CKAP2: variants seen among roughly 807,000 people sequenced by gnomAD.
The protein encoded by CKAP2 is cytoskeleton-associated protein 2.
A neutral mutation model predicts 58.4 loss-of-function variants in CKAP2; 46 were observed. The ratio of observed to expected loss-of-function variants is 0.79; its 90% CI spans 0.62 to 1.01. The LOEUF (loss-of-function observed/expected upper bound fraction) is 1.01. Among genes scored for constraint, CKAP2 ranks in the 50% least tolerant of loss-of-function variants. The probability of loss-of-function intolerance (pLI) is 0.00; values close to 1 mark genes in which losing one functional copy is unlikely to be tolerated. For missense variants in CKAP2, 809 were observed against 796.4 expected (o/e 1.02, Z -0.19); for synonymous variants, 293 against 280.9 (o/e 1.04, Z -0.43).
intron 6 of CKAP2, among the ~76,000 whole-genome samples, 176 bp from the exon 7 acceptor site, chr13:52,468,102 G>A (rs1190215595): frequency 6.6e-6 from 1 of 152,064 alleles, no homozygotes; most frequent in Non-Finnish European, 1.5e-5. Context: ...GAGCCATCGT[G>A]CCCAGCCAAG....
rs184425097 is a variant in CKAP2 at position 52,474,189 on chromosome 13, A to G, written c.1802+105A>G. 6.7e-6 allele frequency: 8 copies of G among 1,194,400 alleles called. No individual in the cohort carries two copies. The Admixed American group carries it at 1.2e-4, about 18-fold the overall frequency. The allele number at this position is 1,194,400 out of a possible 1,614,324, so 74.0% of individuals were successfully genotyped here. On this transcript the variant is annotated intron_variant, in intron 8 of 8. Coordinates refer to ENST00000258607, the MANE Select transcript of CKAP2 (RefSeq NM_018204.5). ...CTTCAGATTACAGCTACCATTTATT[A>G]ATATAGAAATTTCAGTACGGGCATG...
chr13:52,457,176 T>A (rs1958500278), intron 2 of CKAP2, among the ~76,000 whole-genome samples: 2 of 152,204 alleles, frequency 1.3e-5, no homozygotes, highest in Admixed American at 1.3e-4. Flanking sequence ...ATTACAAGGA[T>A]GAGCCACCGC....
At position 52,461,460 on chromosome 13, in the gene CKAP2, C is replaced by T. The variant is rs760787573; in HGVS notation, c.634C>T (p.Pro212Ser). Residue 212 changes from proline to serine, a missense_variant, in exon 4 of 9, where the codon CCT (proline) becomes TCT (serine). By Grantham distance (74) the Pro-to-Ser change is moderately conservative. This residue lies in a region of CKAP2 where 523 missense variants were observed against 492.4 expected (regional missense o/e 1.06). Transcript: ENST00000258607. ...AACAAAGAAACTTTCAGCCACTATACCTAAAGCCACAAAACCTCAGCCTGT... is the reference window on the plus strand; with the variant it reads ...AACAAAGAAACTTTCAGCCACTATATCTAAAGCCACAAAACCTCAGCCTGT... ...AATKKLSATI[P>S]KATKPQPVNT... 25 of 1,614,090 alleles carry T rather than the reference C, an allele frequency of 1.5e-5. No individual in the cohort carries two copies. Among genetic ancestry groups the T allele is most frequent in the Non-Finnish European group, 2.0e-5 (24 of 1,180,018 alleles).
chr13:52,460,823 C>T, intron 2 of CKAP2, 76 bp from the exon 3 acceptor site: 1 of 1,195,420 alleles, frequency 8.4e-7, no homozygotes, highest in South Asian at 1.4e-5. Context: ...TTAACATTGC[C>T]CTCTTCTTCC....
Position 52,460,899 on chromosome 13 carries a change from T to A in CKAP2, c.156T>A (p.Ser52Arg). 6.2e-7 allele frequency: 1 copy of A among 1,612,676 alleles called. No individual in the cohort carries two copies. Among genetic ancestry groups the A allele is most frequent in the Non-Finnish European group, 8.5e-7 (1 of 1,179,550 alleles). ...ATTTTGTTTGTTTGTTTTTAAGTAG[T>A]AGAGATCAGAGAGTTGTGACATCTG... ...AYKQENEMLS[S>R]RDQRVVTSED... Residue 52 changes from serine (S) to arginine (R), a missense_variant and splice_region_variant, in exon 3 of 9, where the codon AGT becomes AGA. This residue lies in a region of CKAP2 where 523 missense variants were observed against 492.4 expected (regional missense o/e 1.06). Coordinates refer to ENST00000258607, the MANE Select transcript of CKAP2 (RefSeq NM_018204.5).
intron 8 of CKAP2, 71 bp from the exon 9 acceptor site, chr13:52,474,824 A>G (rs1028582910): frequency 3.5e-6 from 5 of 1,423,794 alleles, no homozygotes; most frequent in Admixed American, 1.9e-5. Context: ...ATAGTATGGT[A>G]CATATCATGA....
chr13:52,462,157 A>G (rs1234898760), intron 4 of CKAP2, among the ~76,000 whole-genome samples: 1 of 152,256 alleles, frequency 6.6e-6, no homozygotes, highest in Non-Finnish European at 1.5e-5. Context: ...TAATTGGGAA[A>G]TACTTTATAA....
chr13:52,470,530 TA>T (rs200903403), intron 7 of CKAP2, among the ~76,000 whole-genome samples: 1 of 151,046 alleles, frequency 6.6e-6, no homozygotes, highest in African/African-American at 2.4e-5. Context: ...GGCTAAACCT[TA>T]AAAAAAAATC....
intron 7 of CKAP2, chr13:52,473,400 C>G (rs1958785626): frequency 6.3e-6 from 1 of 157,496 alleles, no homozygotes. Context: ...AACCTTGTTC[C>G]TTACCCTATA....
chr13:52,460,985 G>T lies in CKAP2; in HGVS notation c.231+11G>T. 6.2e-7 allele frequency: 1 copy of T among 1,612,842 alleles called. No homozygotes were observed. The highest frequency in any genetic ancestry group is 1.1e-5 in the South Asian group (1 of 90,798). On this transcript the variant is annotated intron_variant, in intron 3 of 8. Transcript: ENST00000258607. ...CTTAAAACAAAAATGGTAAGATGTG[G>T]ACATAGCACTCTTAAACTGTCCCCT... is the stretch of plus-strand genomic sequence containing the variant.
Position 52,474,974 on chromosome 13 carries a change from C to G in CKAP2, c.1882C>G (p.Arg628Gly). The G allele has an allele frequency of 6.2e-7, 1 of 1,613,980 alleles. No individual in the cohort carries two copies. Among genetic ancestry groups the G allele is most frequent in the East Asian group, 2.2e-5 (1 of 44,876 alleles). ...GTTTTTAACACCAGTGAGACGTTCT[C>G]GACGTCTTCAAGAGAAAACTTCTAA... ...LKFLTPVRRS[R>G]RLQEKTSKLP... The change falls in exon 9 of 9, where the codon CGA (arginine) becomes GGA (glycine). Residue 628 changes from arginine (R) to glycine (G), a missense_variant. By Grantham distance (125) the Arg-to-Gly change is moderately radical. Transcript: ENST00000258607.
Position 52,465,485 on chromosome 13 carries a change from A to G in CKAP2, c.1476+20A>G, listed in dbSNP as rs1958653748. The G allele has an allele frequency of 6.3e-7, 1 of 1,591,894 alleles. No homozygotes were observed. Among genetic ancestry groups the G allele is most frequent in the South Asian group, 1.1e-5 (1 of 90,268 alleles). On this transcript the variant is annotated intron_variant, in intron 6 of 8. Coordinates refer to ENST00000258607, the MANE Select transcript of CKAP2 (RefSeq NM_018204.5). ...GCTCAGGTAAGATAAAAATTTACTGATCTTTACAATTACAGTGTAGTAGAC... is the reference window on the plus strand; with the variant it reads ...GCTCAGGTAAGATAAAAATTTACTGGTCTTTACAATTACAGTGTAGTAGAC...
Position 52,461,072 on chromosome 13 carries a change from C to G in CKAP2, c.246C>G (p.Asn82Lys). Residue 82 changes from asparagine (N) to lysine (K), a missense_variant, in exon 4 of 9, where the codon AAC becomes AAG. Asn to Lys is a moderately conservative substitution (Grantham distance 94). Transcript: ENST00000258607. ...KLKTKMADKE[N>K]MKRPAESKNN... is the part of the protein sequence containing the mutation. ...AATTCTTTCAGGCTGATAAAGAAAA[C>G]ATGAAGAGACCTGCAGAGAGCAAAA... 6.3e-7 allele frequency: 1 copy of G among 1,597,950 alleles called. No homozygotes were observed. Among genetic ancestry groups the G allele is most frequent in the Non-Finnish European group, 8.5e-7 (1 of 1,175,008 alleles).
At chr13:52,459,918 G>A (rs1218581275) in intron 2 of CKAP2, among the ~76,000 whole-genome samples, 2 of 152,060 alleles carry the variant, frequency 1.3e-5, no homozygotes, top group Admixed American at 6.6e-5. Context: ...AGCCTCTAGT[G>A]CAGTGACGGG....
rs1359510862 is a variant in CKAP2, at chr13:52,474,448, C to T, written c.1802+364C>T. On this transcript the variant is annotated intron_variant, in intron 8 of 8. Transcript: ENST00000258607. ...AGGTTGCAGTGAGCCAAGATCATGC[C>T]ACTGTCCTCCAGCCTGGATGACAGA... 4.6e-5 allele frequency among the ~76,000 whole-genome samples: 7 copies of T among 152,128 alleles called. No homozygotes were observed. The East Asian group carries it at 1.2e-3, about 25-fold the overall frequency.
intron 7 of CKAP2, among the ~76,000 whole-genome samples, chr13:52,471,623 C>A (rs1260276105): frequency 6.6e-6 from 1 of 152,014 alleles, no homozygotes; most frequent in Non-Finnish European, 1.5e-5. Flanking sequence ...CCTGATTATT[C>A]TTTTAGTTCT....
At chr13:52,458,651 T>TC (rs1958523822) in intron 2 of CKAP2, among the ~76,000 whole-genome samples, 1 of 151,988 alleles carries the variant, frequency 6.6e-6, no homozygotes, top group South Asian at 2.1e-4. Flanking sequence ...TCACTTGAGG[T>TC]CAAGAGTTCT....
Position 52,456,571 on chromosome 13 carries a change from T to C in CKAP2, c.119T>C (p.Leu40Pro), listed in dbSNP as rs202147843. 1.2e-4 allele frequency: 201 copies of C among 1,613,734 alleles called. No homozygotes were observed. The highest frequency in any genetic ancestry group is 3.3e-4 in the Middle Eastern group (2 of 6,062). ...LKEHLLRRKT[L>P]FAYKQENEML... Reference sequence around the variant, plus strand: ...GAACATCTGTTGAGAAGAAAAACGCTTTTTGCATACAAGCAGGAAAATGAG... The same window carrying C: ...GAACATCTGTTGAGAAGAAAAACGCCTTTTGCATACAAGCAGGAAAATGAG... Residue 40 changes from leucine to proline, a missense_variant, in exon 2 of 9, where the codon CTT becomes CCT. Coordinates refer to ENST00000258607, the MANE Select transcript of CKAP2 (RefSeq NM_018204.5).
chr13:52,470,217 C>G (rs566268983), intron 7 of CKAP2, among the ~76,000 whole-genome samples: 1 of 151,452 alleles, frequency 6.6e-6, no homozygotes, highest in Non-Finnish European at 1.5e-5. Flanking sequence ...GCGATTCTCC[C>G]GCCTCAGCCT....
Sources: gnomAD v4.1 joint callset for allele counts (sites outside exome capture counted in the v4.1 genomes callset) on GRCh38, gnomAD v4.1.1 for gene constraint, gnomAD v4.1.1 regional missense constraint, MANE v1.5 for transcripts, NCBI Gene and HGNC (gene_info 2026-07-23, HGNC 2026-07-21) for gene names.